RREB1: variants seen among roughly 807,000 people sequenced by gnomAD.
RREB1 encodes ras responsive element binding protein 1.
In RREB1, 27 loss-of-function variants were observed where a neutral mutation model predicts 117.8. The ratio of observed to expected loss-of-function variants is 0.23; its 90% CI spans 0.17 to 0.32. The LOEUF (loss-of-function observed/expected upper bound fraction) is 0.32. RREB1 is among the 10% of genes least tolerant of loss of function. The pLI is 1.00. For missense variants in RREB1, 2,577 were observed against 2,378.2 expected (o/e 1.08, Z -1.74); for synonymous variants, 1,298 against 1,026.7 (o/e 1.26, Z -5.05).
At chr6:7,147,483 G>A (rs576986250) in intron 1 of RREB1, among the ~76,000 whole-genome samples, 16 of 152,092 alleles carry the variant, frequency 1.1e-4, no homozygotes, top group African/African-American at 2.2e-4. Context: ...GATGGTTTCC[G>A]TGCTGGGATA....
intron 6 of RREB1, among the ~76,000 whole-genome samples, chr6:7,194,809 G>A (rs879496854): frequency 6.6e-5 from 10 of 152,306 alleles, no homozygotes; most frequent in Non-Finnish European, 1.5e-4. Flanking sequence ...GCCCTAGGTA[G>A]AGGGAGTTTC....
chr6:7,220,815 C>G (rs960445306), intron 8 of RREB1, among the ~76,000 whole-genome samples: 1 of 152,202 alleles, frequency 6.6e-6, no homozygotes, highest in Non-Finnish European at 1.5e-5. Context: ...AGTGGAGATA[C>G]GCCACAGACG....
intron 8 of RREB1, 50 bp downstream of exon 8, chr6:7,211,759 T>G (rs189859987): frequency 1.3e-6 from 2 of 1,598,968 alleles, no homozygotes; most frequent in Admixed American, 3.4e-5. Flanking sequence ...TCTCCTGGCA[T>G]GTGACAATGT....
At chr6:7,173,635 AT>A (rs1351365489) in intron 1 of RREB1, among the ~76,000 whole-genome samples, 1 of 152,124 alleles carries the variant, frequency 6.6e-6, no homozygotes, top group African/African-American at 2.4e-5. Flanking sequence ...TAAAAACCCA[AT>A]TTTAGTCTCA....
intron 1 of RREB1, among the ~76,000 whole-genome samples, chr6:7,118,497 A>G (rs114963719): frequency 0.014 from 2,108 of 152,298 alleles, 20 homozygotes; most frequent in South Asian, 0.028. Flanking sequence ...ATTTTATAAA[A>G]CTAGTGAACA....
chr6:7,176,106 A>C (rs1296133837), intron 1 of RREB1, among the ~76,000 whole-genome samples: 1 of 152,150 alleles, frequency 6.6e-6, no homozygotes, highest in Non-Finnish European at 1.5e-5. Flanking sequence ...TTATAGAGAC[A>C]GGGTTTCACC....
chr6:7,187,626 AACAAGGAGTTAAACACTC>A (rs772896689), intron 5 of RREB1, 103 bp downstream of exon 5: 7 of 493,650 alleles, frequency 1.4e-5, no homozygotes, highest in Admixed American at 4.5e-5. Flanking sequence ...GGAAGAGTAG[AACAAGGAGTTAAACACTC>A]ACTGTGAGCA....
chr6:7,138,567 T>TC (rs2113376093), intron 1 of RREB1, among the ~76,000 whole-genome samples: 1 of 152,358 alleles, frequency 6.6e-6, no homozygotes, highest in African/African-American at 2.4e-5. Context: ...GTGGTTGTTA[T>TC]CCAAAGCTCT....
chr6:7,172,702 G>A (rs1260600057), intron 1 of RREB1, among the ~76,000 whole-genome samples: 1 of 151,890 alleles, frequency 6.6e-6, no homozygotes, highest in East Asian at 1.9e-4. Flanking sequence ...GGGGGGGTGG[G>A]GGTGACTTTC....
At chr6:7,192,570 T>C (rs919016194) in intron 6 of RREB1, among the ~76,000 whole-genome samples, 1 of 152,226 alleles carries the variant, frequency 6.6e-6, no homozygotes, top group African/African-American at 2.4e-5. Context: ...TCAAGTGATA[T>C]AATTGGTTGG....
At chr6:7,168,799 A>G (rs1764077410) in intron 1 of RREB1, among the ~76,000 whole-genome samples, 1 of 152,182 alleles carries the variant, frequency 6.6e-6, no homozygotes, top group Non-Finnish European at 1.5e-5. Context: ...TGGTTTTTCA[A>G]AGACCCTTCT....
intron 8 of RREB1, among the ~76,000 whole-genome samples, chr6:7,225,021 A>G (rs1767499325): frequency 6.6e-6 from 1 of 152,166 alleles, no homozygotes; most frequent in South Asian, 2.1e-4. Context: ...GCAGGGCGGC[A>G]CATACTGGCA....
At chr6:7,116,892 A>G (rs924358605) in intron 1 of RREB1, among the ~76,000 whole-genome samples, 4 of 152,176 alleles carry the variant, frequency 2.6e-5, no homozygotes, top group African/African-American at 9.7e-5. Context: ...TGAAGTTTAC[A>G]TTAAATAGGA....
At chr6:7,190,295 A>G (rs148464414) in intron 6 of RREB1, among the ~76,000 whole-genome samples, 3 of 151,970 alleles carry the variant, frequency 2.0e-5, no homozygotes, top group East Asian at 3.9e-4. Context: ...TTTTTGTTTT[A>G]TTATTTTCTT....
chr6:7,142,476 G>T (rs932632846), intron 1 of RREB1, among the ~76,000 whole-genome samples: 1 of 152,234 alleles, frequency 6.6e-6, no homozygotes, highest in Non-Finnish European at 1.5e-5. Flanking sequence ...GTACATCACC[G>T]GTGAGGGCAG....
intron 8 of RREB1, among the ~76,000 whole-genome samples, chr6:7,226,075 T>C (rs1269915487): frequency 6.6e-6 from 1 of 152,198 alleles, no homozygotes; most frequent in East Asian, 1.9e-4. Flanking sequence ...ACATTTACAA[T>C]AATTAGAATC....
chr6:7,223,533 C>G (rs1054480983), intron 8 of RREB1, among the ~76,000 whole-genome samples: 1 of 89,108 alleles, frequency 1.1e-5, no homozygotes, highest in East Asian at 2.7e-4. Context: ...TGCACTCCAG[C>G]CTGGGCAACA....
intron 1 of RREB1, among the ~76,000 whole-genome samples, chr6:7,134,161 G>A (rs1229015723): frequency 6.6e-6 from 1 of 152,172 alleles, no homozygotes; most frequent in African/African-American, 2.4e-5. Context: ...ATGGTAAATT[G>A]TGAATATGTA....
intron 8 of RREB1, among the ~76,000 whole-genome samples, chr6:7,222,353 G>A (rs1240443123): frequency 6.6e-6 from 1 of 152,052 alleles, no homozygotes; most frequent in Admixed American, 6.6e-5. Context: ...GCATGTTTGG[G>A]AAATTTTACA....
Sources: allele counts gnomAD v4.1 joint callset (sites outside exome capture counted in the v4.1 genomes callset), GRCh38; gene constraint gnomAD v4.1.1; transcripts MANE v1.5; gene names NCBI Gene and HGNC (gene_info 2026-07-23, HGNC 2026-07-21).